The following SPTBN2 variants were observed in gnomAD, a reference collection of about 807,000 sequenced individuals.
SPTBN2 encodes spectrin beta chain, non-erythrocytic 2.
Under a neutral mutation model 284.2 loss-of-function variants are expected in SPTBN2, and 107 were observed. That is an observed-to-expected ratio of 0.38 (90% CI 0.32 to 0.44). The LOEUF is 0.44. Ranked by LOEUF, SPTBN2 falls within the 20% of genes least tolerant of loss-of-function variation. SPTBN2 has a pLI of 1.00. For synonymous variants in SPTBN2, 1,289 were observed against 1,354.8 expected, an observed-to-expected ratio of 0.95 and a Z score of 1.07; for missense variants, 2,569 against 3,287.1, an observed-to-expected ratio of 0.78 and a Z score of 5.34.
chr11:66,732,385 C>G (rs564070658), upstream of SPTBN2, among the ~76,000 whole-genome samples: 2 of 152,328 alleles, frequency 1.3e-5, no homozygotes, highest in African/African-American at 4.8e-5. Context: ...CAGTGGCTCA[C>G]GACTTTGTAA....
At chr11:66,734,871 A>G (rs1245366441) in intron 1 of SPTBN2, among the ~76,000 whole-genome samples, 2 of 152,164 alleles carry the variant, frequency 1.3e-5, no homozygotes, top group Non-Finnish European at 2.9e-5. Flanking sequence ...TGTATTTCCC[A>G]TTTCTTTTAT....
In SPTBN2 at chr11:66,707,782, C is replaced by T; in HGVS notation, c.1387G>A (p.Ala463Thr). ...TCAATGGCTTCGTGCTTCCGTACTG[C>T]TGCCTCGACAGCTGCCAGCTCCAGC... ...FGLELAAVEAAVRKHEAIETD... is the reference protein window; with the variant it reads ...FGLELAAVEATVRKHEAIETD... The change falls in exon 13 of 38, where the codon GCA becomes ACA. Residue 463 changes from alanine to threonine, a missense_variant. Ala to Thr is a moderately conservative substitution (Grantham distance 58, BLOSUM62 0). Around this residue, in one of 6 missense-constraint regions of SPTBN2, gnomAD observed 1,012 missense variants for 1,248.9 expected, o/e 0.81. Coordinates refer to ENST00000533211, the MANE Select transcript of SPTBN2 (RefSeq NM_006946.4). The surrounding 1 kb of genome is among the most constrained non-coding windows in gnomAD (Gnocchi z 4.9). 2 of 1,609,524 alleles carry T rather than the reference C, an allele frequency of 1.2e-6. No individual in the cohort carries two copies. Among genetic ancestry groups the T allele is most frequent in the Non-Finnish European group, 1.7e-6 (2 of 1,179,852 alleles).
rs765954697 is a variant in SPTBN2 at position 66,698,984 on chromosome 11, A to C, written c.3867+8T>G. ...TAGGGAATATCCCGGGGCCCCAGGGAGCCTCACCTCGTGACAATCTTGCAG... is the reference window on the plus strand; with the variant it reads ...TAGGGAATATCCCGGGGCCCCAGGGCGCCTCACCTCGTGACAATCTTGCAG... On this transcript the variant is annotated splice_region_variant and intron_variant, in intron 19 of 37. Coordinates refer to ENST00000533211, the MANE Select transcript of SPTBN2 (RefSeq NM_006946.4). 6.2e-7 allele frequency: 1 copy of C among 1,614,088 alleles called. No individual in the cohort carries two copies. Among genetic ancestry groups the C allele is most frequent in the South Asian group, 1.1e-5 (1 of 91,078 alleles).
rs542119224 is a variant in SPTBN2, at chr11:66,690,315, C to T, written c.5566-32G>A. The T allele has an allele frequency of 7.3e-5, 115 of 1,564,654 alleles. No homozygotes were observed. In the East Asian group the frequency reaches 1.1e-3, roughly 16 times the overall value. ...AGCCCCGGGTCAGAGTCAGGCAGAG[C>T]GGGGGACTCCAAGGAGCCGCAGCCT... On this transcript the variant is annotated intron_variant, in intron 27 of 37. Transcript: ENST00000533211.
chr11:66,714,869 A>G (rs1942062763), intron 5 of SPTBN2, among the ~76,000 whole-genome samples: 1 of 152,194 alleles, frequency 6.6e-6, no homozygotes, highest in Non-Finnish European at 1.5e-5. Flanking sequence ...AATTGGTGCC[A>G]GTGACCAGAC....
At chr11:66,694,950 G>A (rs1428876700) in intron 21 of SPTBN2, among the ~76,000 whole-genome samples, 2 of 152,210 alleles carry the variant, frequency 1.3e-5, no homozygotes, top group African/African-American at 4.8e-5. Context: ...AGATCCGGTG[G>A]CTCTTACTCT....
chr11:66,709,621 T>G (rs1565144289), intron 10 of SPTBN2, among the ~76,000 whole-genome samples: 1 of 152,276 alleles, frequency 6.6e-6, no homozygotes, highest in Non-Finnish European at 1.5e-5. Context: ...ATAAACATCC[T>G]TGAAGCTACA....
chr11:66,687,440 T>C lies in SPTBN2; in HGVS notation c.6709A>G (p.Lys2237Glu). Residue 2237 changes from lysine to glutamate, a missense_variant, in exon 35 of 38, where the codon AAG (lysine) becomes GAG (glutamate). Coordinates refer to ENST00000533211, the MANE Select transcript of SPTBN2 (RefSeq NM_006946.4). The surrounding 1 kb of genome is among the most constrained non-coding windows in gnomAD (Gnocchi z 5.2). ...GAGAGGCTGTACCTGTTGGCAGCCT[T>C]CTTCCCGAAGGCCTCCATCTCCTGC... ...RKQEMEAFGKKAANRSWQNVY... is the reference protein window; with the variant it reads ...RKQEMEAFGKEAANRSWQNVY... 2 of 1,606,946 alleles carry C rather than the reference T, an allele frequency of 1.2e-6. No homozygotes were observed. Among genetic ancestry groups the C allele is most frequent in the Non-Finnish European group, 8.5e-7 (1 of 1,179,976 alleles).
Position 66,715,308 on chromosome 11 carries a change from A to G in SPTBN2, c.397T>C (p.Leu133=). The G allele has an allele frequency of 6.2e-7, 1 of 1,614,226 alleles. No homozygotes were observed. The highest frequency in any genetic ancestry group is 8.5e-7 in the Non-Finnish European group (1 of 1,180,042). The change falls in exon 5 of 38, where the codon TTG becomes CTG. Residue 133 remains leucine (L), a synonymous_variant. Coordinates refer to ENST00000533211, the MANE Select transcript of SPTBN2 (RefSeq NM_006946.4). The surrounding 1 kb of genome is among the most constrained non-coding windows in gnomAD (Gnocchi z 5.3). ...ATGTCATGGGAGCCCATGTTTTCCA[A>G]GTGCACTTTCTGCTCCTTGAGGAAC... ...LQFLKEQKVH[L]ENMGSHDIVD...
chr11:66,689,017 G>T (rs1419304954), intron 30 of SPTBN2, 79 bp downstream of exon 30: 2 of 1,504,928 alleles, frequency 1.3e-6, no homozygotes, highest in Admixed American at 3.8e-5. Context: ...AGGGTTCCTA[G>T]TCTCACCTAC....
chr11:66,686,698 C>T (rs913708858), intron 36 of SPTBN2: 4 of 629,586 alleles, frequency 6.4e-6, no homozygotes, highest in Non-Finnish European at 1.1e-5. Context: ...TGCTGGCAGG[C>T]AGGGACAGGC....
At position 66,692,633 on chromosome 11, in the gene SPTBN2, T is replaced by TGGCACAGCC. The variant is rs1174867303; in HGVS notation, c.5084_5092dup (p.Arg1695_Cys1697dup). On this transcript the variant is annotated inframe_insertion, in exon 26 of 38. Transcript: ENST00000533211. Reference sequence around the variant, plus strand: ...CAGGTCATCCAGCTCGCGGCGGAGCTGGCACAGCCGGAGGTGCTCCTGCAG... The same window carrying TGGCACAGCC: ...CAGGTCATCCAGCTCGCGGCGGAGCTGGCACAGCCGGCACAGCCGGAGGTGCTCCTGCAG... 6.2e-7 allele frequency: 1 copy of TGGCACAGCC among 1,605,874 alleles called. No homozygotes were observed. The highest frequency in any genetic ancestry group is 8.5e-7 in the Non-Finnish European group (1 of 1,179,948).
chr11:66,692,644 G>C lies in SPTBN2; in HGVS notation c.5082C>G (p.Leu1694=). The part of the protein sequence containing the change: ...GERRERLQEH[L]RLCQLRRELD... ...GCTCGCGGCGGAGCTGGCACAGCCG[G>C]AGGTGCTCCTGCAGGCGCTCCCGCC... Residue 1694 remains leucine, a synonymous_variant, in exon 26 of 38, where the codon CTC becomes CTG. Transcript: ENST00000533211. The C allele has an allele frequency of 1.9e-6, 3 of 1,605,454 alleles. No homozygotes were observed. The highest frequency in any genetic ancestry group is 2.5e-6 in the Non-Finnish European group (3 of 1,179,940).
In SPTBN2 at chr11:66,683,751, A is replaced by T. The variant is rs1590897230; in HGVS notation, c.*2120T>A. ...CATTTCTCTATTAATTTCTCCATATACATTTCCTTCTGACATTTCCAATTA... is the reference window on the plus strand; with the variant it reads ...CATTTCTCTATTAATTTCTCCATATTCATTTCCTTCTGACATTTCCAATTA... On this transcript the variant is annotated 3_prime_UTR_variant, in exon 38 of 38. Coordinates refer to ENST00000533211, the MANE Select transcript of SPTBN2 (RefSeq NM_006946.4). Among the ~76,000 whole-genome samples, 1 of 152,212 alleles carries T rather than the reference A, an allele frequency of 6.6e-6. No individual in the cohort carries two copies.
At position 66,687,658 on chromosome 11, in the gene SPTBN2, A is replaced by G. The variant is rs373949587; in HGVS notation, c.6502-11T>C. On this transcript the variant is annotated splice_polypyrimidine_tract_variant and intron_variant, in intron 34 of 37. Transcript: ENST00000533211. The surrounding 1 kb of genome is among the most constrained non-coding windows in gnomAD (Gnocchi z 5.2). Reference sequence around the variant, plus strand: ...CCCTGAGCCAGGTCCCTGGGGGGGAATCAGTGTCAGTGTCAAAGGTTGAGA... The same window carrying G: ...CCCTGAGCCAGGTCCCTGGGGGGGAGTCAGTGTCAGTGTCAAAGGTTGAGA... 8.8e-6 allele frequency: 14 copies of G among 1,586,094 alleles called. No homozygotes were observed. In the African/African-American group the frequency reaches 1.1e-4, roughly 12 times the overall value.
rs1282737885 is a variant in SPTBN2, at chr11:66,704,638, G to C, written c.2638C>G (p.Leu880Val). ...TCCAGGTCCTCCAGGCGTTCAGGCA[G>C]GGCCAGCCCGTTGAGCCACTGCTCC... ...EKEQWLNGLALPERLEDLEVV... is the reference protein window; with the variant it reads ...EKEQWLNGLAVPERLEDLEVV... Residue 880 changes from leucine to valine, a missense_variant, in exon 15 of 38, where the codon CTG becomes GTG. By Grantham distance (32) the Leu-to-Val change is conservative. Transcript: ENST00000533211. 3 of 1,612,066 alleles carry C rather than the reference G, an allele frequency of 1.9e-6. No individual in the cohort carries two copies. The highest frequency in any genetic ancestry group is 2.2e-5 in the East Asian group (1 of 44,824).
At position 66,724,099 on chromosome 11, in the gene SPTBN2, T is replaced by C. The variant is rs553221657; in HGVS notation, c.-113-2659A>G. Among the ~76,000 whole-genome samples the C allele has an allele frequency of 1.6e-4, 24 of 152,316 alleles. No individual in the cohort carries two copies. The South Asian group carries it at 5.0e-3, about 32-fold the overall frequency. On this transcript the variant is annotated intron_variant, in intron 1 of 37. Transcript: ENST00000533211. ...ACCAAGGCTAGCCCCCAGGAGTGTT[T>C]TGCTGGGCCAATAAGCTATTTTTAA...
chr11:66,692,999 C>T lies in SPTBN2; in HGVS notation c.4956G>A (p.Gln1652=), dbSNP rs1940666380. 5 of 1,609,408 alleles carry T rather than the reference C, an allele frequency of 3.1e-6. No homozygotes were observed. The East Asian group carries it at 6.7e-5, about 22-fold the overall frequency. ...CTGGGTGCTCGTGGTCAATCATGTC[C>T]TGGCTGCTGGCCGCCAGCTGGTGGA... is the stretch of plus-strand genomic sequence containing the variant. ...QTIHQLAASS[Q]DMIDHEHPES... is the part of the protein sequence containing the mutation. The change falls in exon 25 of 38, where the codon CAG becomes CAA. Residue 1652 remains glutamine, a synonymous_variant. Coordinates refer to ENST00000533211, the MANE Select transcript of SPTBN2 (RefSeq NM_006946.4).
At chr11:66,719,129 AACAG>A (rs1473703092) in intron 3 of SPTBN2, among the ~76,000 whole-genome samples, 5 of 152,262 alleles carry the variant, frequency 3.3e-5, no homozygotes, top group South Asian at 2.1e-4. Context: ...CCAGCTCAGA[AACAG>A]ACAAAGAGAA....
Sources: allele counts gnomAD v4.1 joint callset (sites outside exome capture counted in the v4.1 genomes callset), GRCh38; gene constraint gnomAD v4.1.1; regional missense constraint gnomAD v4.1.1; non-coding constraint Gnocchi (gnomAD v3.1); transcripts MANE v1.5; gene names NCBI Gene and HGNC (gene_info 2026-07-23, HGNC 2026-07-21).